CTNNA3: variants seen among roughly 807,000 people sequenced by gnomAD.
The protein encoded by CTNNA3 is catenin alpha 3.
Under a neutral mutation model 95.7 loss-of-function variants are expected in CTNNA3, and 76 were observed. That is an observed-to-expected ratio of 0.79 (90% CI 0.66 to 0.96). The LOEUF (loss-of-function observed/expected upper bound fraction) is 0.96, where lower values mean the gene tolerates loss of function less well. Among genes scored for constraint, CTNNA3 ranks in the 40% least tolerant of loss-of-function variants. CTNNA3 has a pLI of 0.00. For synonymous variants in CTNNA3, 431 were observed against 374.4 expected (o/e 1.15, Z -1.74); for missense variants, 1,191 against 1,089.8 (o/e 1.09, Z -1.31).
chr10:66,603,557 T>C (rs886641216), intron 10 of CTNNA3, among the ~76,000 whole-genome samples: 2 of 152,130 alleles, frequency 1.3e-5, no homozygotes, highest in African/African-American at 4.8e-5. Context: ...CAAATATTAA[T>C]GATATTCTTC....
At chr10:66,424,342 A>T (rs138619022) in intron 11 of CTNNA3, among the ~76,000 whole-genome samples, 6 of 151,912 alleles carry the variant, frequency 3.9e-5, no homozygotes, top group African/African-American at 9.6e-5. Flanking sequence ...CTTTTTCTGG[A>T]TTAACTCTGT....
At chr10:66,049,305 G>T (rs2079900022) in intron 15 of CTNNA3, among the ~76,000 whole-genome samples, 1 of 152,166 alleles carries the variant, frequency 6.6e-6, no homozygotes, top group Non-Finnish European at 1.5e-5. Flanking sequence ...TTGCAAGGTT[G>T]CAGAAAAAAG....
At chr10:67,148,259 A>G (rs931024201) in intron 7 of CTNNA3, among the ~76,000 whole-genome samples, 2 of 152,186 alleles carry the variant, frequency 1.3e-5, no homozygotes, top group Admixed American at 1.3e-4. Context: ...CCATCCTCCT[A>G]AAACCAAATC....
At chr10:65,956,038 T>G (rs778719711) in intron 17 of CTNNA3, among the ~76,000 whole-genome samples, 6 of 152,078 alleles carry the variant, frequency 3.9e-5, no homozygotes, top group Non-Finnish European at 5.9e-5. Context: ...TTGGTTGGTA[T>G]GCTATTAATT....
At chr10:67,063,055 G>A (rs978545169) in intron 7 of CTNNA3, among the ~76,000 whole-genome samples, 17 of 151,926 alleles carry the variant, frequency 1.1e-4, no homozygotes, top group African/African-American at 4.1e-4. Context: ...CTTCTGACTT[G>A]AAATATTAAG....
intron 7 of CTNNA3, among the ~76,000 whole-genome samples, chr10:67,086,957 A>C (rs1857346373): frequency 6.6e-6 from 1 of 152,186 alleles, no homozygotes; most frequent in South Asian, 2.1e-4. Flanking sequence ...GGGATTAAAA[A>C]AAGGAAAAGA....
At chr10:67,577,694 A>G (rs1322072392) in intron 3 of CTNNA3, among the ~76,000 whole-genome samples, 2 of 133,676 alleles carry the variant, frequency 1.5e-5, no homozygotes, top group Non-Finnish European at 3.0e-5. Context: ...GTATATATAT[A>G]CACACATATG....
At chr10:66,901,347 G>C (rs1845736413) in intron 7 of CTNNA3, among the ~76,000 whole-genome samples, 1 of 152,152 alleles carries the variant, frequency 6.6e-6, no homozygotes, top group African/African-American at 2.4e-5. Context: ...GTCACCACCA[G>C]GTCTGCCTTA....
chr10:66,060,408 C>A (rs2080170320), intron 15 of CTNNA3, among the ~76,000 whole-genome samples: 1 of 152,064 alleles, frequency 6.6e-6, no homozygotes, highest in Non-Finnish European at 1.5e-5. Context: ...TGCTCCTTTT[C>A]AAGTCTCACT....
intron 13 of CTNNA3, among the ~76,000 whole-genome samples, chr10:66,139,691 C>G (rs928161527): frequency 2.0e-5 from 3 of 151,558 alleles, no homozygotes; most frequent in African/African-American, 7.3e-5. Flanking sequence ...CATAATTGTC[C>G]CTCTCATTGT....
chr10:66,784,309 A>T (rs1209184761), intron 7 of CTNNA3, among the ~76,000 whole-genome samples: 2 of 151,718 alleles, frequency 1.3e-5, no homozygotes, highest in African/African-American at 4.8e-5. Flanking sequence ...AAGATAAATT[A>T]GTAGGTAATA....
chr10:66,667,176 T>C (rs1359484797), intron 9 of CTNNA3, among the ~76,000 whole-genome samples: 1 of 126,672 alleles, frequency 7.9e-6, no homozygotes, highest in African/African-American at 3.2e-5. Flanking sequence ...TTGGTTTGTT[T>C]TTGAAGAGTA....
chr10:67,552,278 G>A (rs1016326681), intron 3 of CTNNA3, among the ~76,000 whole-genome samples: 15 of 151,714 alleles, frequency 9.9e-5, no homozygotes, highest in South Asian at 4.2e-4. Flanking sequence ...GTTTTTTTTC[G>A]TTGTTAGAGG....
intron 9 of CTNNA3, among the ~76,000 whole-genome samples, chr10:66,631,829 A>G (rs1380624420): frequency 6.6e-6 from 1 of 152,156 alleles, no homozygotes; most frequent in Admixed American, 6.5e-5. Context: ...AAAATTGTCT[A>G]CCTAGGGAAA....
At chr10:66,417,210 A>G (rs1589220686) in intron 11 of CTNNA3, among the ~76,000 whole-genome samples, 1 of 152,044 alleles carries the variant, frequency 6.6e-6, no homozygotes, top group South Asian at 2.1e-4. Context: ...ATTTAACTCT[A>G]ACAGAATTCA....
chr10:67,387,440 G>C (rs181153357), intron 5 of CTNNA3, among the ~76,000 whole-genome samples: 3 of 152,146 alleles, frequency 2.0e-5, no homozygotes, highest in South Asian at 2.1e-4. Flanking sequence ...TTGCTAGCAC[G>C]GCAGTCTGAG....
intron 5 of CTNNA3, among the ~76,000 whole-genome samples, chr10:67,224,095 T>C (rs1864783671): frequency 6.6e-6 from 1 of 152,228 alleles, no homozygotes; most frequent in African/African-American, 2.4e-5. Context: ...TTTGTGTGTA[T>C]GTGCTGTGAG....
In CTNNA3 at chr10:67,663,339, T is replaced by C. The variant is rs1166546634; in HGVS notation, c.-5-15821A>G. ...AAATTTCTTTTTATTTTTCTTTGTG[T>C]GTGTGTGTGTGTGTTAAAGCTAGCT... On this transcript the variant is annotated intron_variant, in intron 1 of 17. Coordinates refer to ENST00000433211, the MANE Select transcript of CTNNA3 (RefSeq NM_013266.4). Among the ~76,000 whole-genome samples the C allele has an allele frequency of 3.9e-5, 6 of 152,140 alleles. No individual in the cohort carries two copies. The South Asian group carries it at 1.2e-3, about 32-fold the overall frequency.
chr10:66,453,075 G>A (rs2093475031), intron 11 of CTNNA3, among the ~76,000 whole-genome samples: 1 of 152,014 alleles, frequency 6.6e-6, no homozygotes, highest in Non-Finnish European at 1.5e-5. Flanking sequence ...AAAATTGTCA[G>A]GTGTGGCGGC....
Sources: gnomAD v4.1 joint callset for allele counts (sites outside exome capture counted in the v4.1 genomes callset) on GRCh38, gnomAD v4.1.1 for gene constraint, MANE v1.5 for transcripts, NCBI Gene and HGNC (gene_info 2026-07-23, HGNC 2026-07-21) for gene names.